The following DGKA variants were observed in gnomAD, a reference collection of about 807,000 sequenced individuals.
The protein encoded by DGKA is diacylglycerol kinase alpha.
DGKA carries 35 observed loss-of-function variants against 105.0 expected under a neutral mutation model. The ratio of observed to expected loss-of-function variants is 0.33; its 90% confidence interval spans 0.25 to 0.44. The LOEUF (loss-of-function observed/expected upper bound fraction) is 0.44, where lower values mean the gene tolerates loss of function less well. Among genes scored for constraint, DGKA ranks in the 20% least tolerant of loss-of-function variants. The pLI is 1.00. For missense variants in DGKA, 665 were observed against 915.0 expected, an observed-to-expected ratio of 0.73 and a Z score of 3.53; for synonymous variants, 296 against 332.0, an observed-to-expected ratio of 0.89 and a Z score of 1.18.
intron 15 of DGKA, 108 bp downstream of exon 15, chr12:55,941,692 TC>T (rs1221898800): frequency 5.2e-6 from 6 of 1,147,368 alleles, no homozygotes; most frequent in African/African-American, 1.5e-5. Context: ...GGGCTAGAGA[TC>T]CCCAAGAGGC....
upstream of DGKA, chr12:55,927,950 C>G (rs1883228297): frequency 1.5e-6 from 1 of 667,924 alleles, no homozygotes; most frequent in Admixed American, 3.1e-5. Context: ...TCTGGGCGGA[C>G]CTACTTAGTA....
intron 17 of DGKA, among the ~76,000 whole-genome samples, chr12:55,947,285 G>A (rs1287745276): frequency 2.6e-5 from 4 of 152,038 alleles, no homozygotes; most frequent in Non-Finnish European, 5.9e-5. Flanking sequence ...GCGCCCAGCT[G>A]TGGAGACATT....
Position 55,941,399 on chromosome 12 carries a change from A to G in DGKA, c.1175+74A>G, listed in dbSNP as rs1885956619. ...TGCAACACTTAGAAGGTGGAAGGGG[A>G]TGTGTGTGTCTGGAGGGGCATACCT... On this transcript the variant is annotated intron_variant, in intron 14 of 23. Coordinates refer to ENST00000331886, the MANE Select transcript of DGKA (RefSeq NM_001345.5). 4 of 1,585,354 alleles carry G rather than the reference A, an allele frequency of 2.5e-6. No homozygotes were observed. The African/African-American group carries it at 4.0e-5, about 16-fold the overall frequency.
At chr12:55,946,446 TCC>T (rs1202883977) in intron 17 of DGKA, among the ~76,000 whole-genome samples, 10 of 152,206 alleles carry the variant, frequency 6.6e-5, no homozygotes, top group Non-Finnish European at 1.5e-4. Flanking sequence ...AACCTCTGCC[TCC>T]CAGGTTCAAG....
In DGKA at chr12:55,940,671, G is replaced by A. The variant is rs763903996; in HGVS notation, c.966G>A (p.Gly322=). 18 of 1,603,806 alleles carry A rather than the reference G, an allele frequency of 1.1e-5. No individual in the cohort carries two copies. Among genetic ancestry groups the A allele is most frequent in the Non-Finnish European group, 1.5e-5 (18 of 1,176,810 alleles). The change falls in exon 12 of 24, where the codon GGG becomes GGA. Residue 322 remains glycine (G), a synonymous_variant. Transcript: ENST00000331886. The surrounding 1 kb of genome is among the most constrained non-coding windows in gnomAD (Gnocchi z 4.3). ...CGGTGGGCCATGAGTGTGACTGTGGGCTGCTCCGGGATCACATCCTGCCTC... is the reference window on the plus strand; with the variant it reads ...CGGTGGGCCATGAGTGTGACTGTGGACTGCTCCGGGATCACATCCTGCCTC... ...LQAVGHECDC[G]LLRDHILPPS...
Position 55,937,504 on chromosome 12 carries a change from G to C in DGKA, c.235G>C (p.Glu79Gln). The C allele has an allele frequency of 6.2e-7, 1 of 1,614,192 alleles. No individual in the cohort carries two copies. ...AAGCCTGGCACTGTTTCAATCCTTT[G>C]AGACTGGTCACTGCTTAAATGAGAC... The part of the protein sequence containing the change: ...HLSLALFQSF[E>Q]TGHCLNETNV... Residue 79 changes from glutamate (E) to glutamine (Q), a missense_variant, in exon 4 of 24, where the codon GAG (glutamate) becomes CAG (glutamine). Glu to Gln is a conservative substitution (Grantham distance 29, BLOSUM62 2). Transcript: ENST00000331886.
Position 55,940,352 on chromosome 12 carries a change from C to T in DGKA, c.837C>T (p.Ser279=), listed in dbSNP as rs747985279. 6.2e-7 allele frequency: 1 copy of T among 1,614,200 alleles called. No homozygotes were observed. Among genetic ancestry groups the T allele is most frequent in the Admixed American group, 1.7e-5 (1 of 60,020 alleles). ...TGTGGGTGCGAGGAGGCTGTGAGTC[C>T]GGGCGCTGCGACCGCTGTCAGAAAA... ...SHVWVRGGCE[S]GRCDRCQKKI... is the part of the protein sequence containing the mutation. The change falls in exon 11 of 24, where the codon TCC becomes TCT. Residue 279 remains serine (S), a synonymous_variant. Transcript: ENST00000331886. This position sits in a 1 kb window ranked among gnomAD's most constrained non-coding sequence, Gnocchi z 4.3.
chr12:55,942,052 C>T lies in DGKA; in HGVS notation c.1305C>T (p.Asp435=), dbSNP rs754886618. 55 of 1,614,018 alleles carry T rather than the reference C, an allele frequency of 3.4e-5. No individual in the cohort carries two copies. Among genetic ancestry groups the T allele is most frequent in the South Asian group, 2.1e-4 (19 of 91,078 alleles). Residue 435 remains aspartate (D), a synonymous_variant, in exon 16 of 24, where the codon GAC becomes GAT. Coordinates refer to ENST00000331886, the MANE Select transcript of DGKA (RefSeq NM_001345.5). ...GCCGGATTTTGGTGTGTGGTGGAGA[C>T]GGCACAGTAGGCTGGATTCTAGAGA... ...PDSRILVCGG[D]GTVGWILETI...
At position 55,940,426 on chromosome 12, in the gene DGKA, A is replaced by G; in HGVS notation, c.911A>G (p.His304Arg). The change falls in exon 11 of 24, where the codon CAC becomes CGC. Residue 304 changes from histidine to arginine, a missense_variant. His to Arg is a conservative substitution (Grantham distance 29). Transcript: ENST00000331886. The surrounding 1 kb of genome is among the most constrained non-coding windows in gnomAD (Gnocchi z 4.3). ...ACCGGGCTGCATTGTGTATGGTGCC[A>G]CCTAGAGGTCAGTTTGGGAGCCATC... ...SLTGLHCVWC[H>R]LEIHDDCLQA... 1 of 1,614,142 alleles carries G rather than the reference A, an allele frequency of 6.2e-7. No homozygotes were observed. The highest frequency in any genetic ancestry group is 8.5e-7 in the Non-Finnish European group (1 of 1,180,028).
At chr12:55,933,934 G>A (rs1335818384) in intron 1 of DGKA, among the ~76,000 whole-genome samples, 1 of 152,112 alleles carries the variant, frequency 6.6e-6, no homozygotes, top group East Asian at 1.9e-4. Flanking sequence ...TAAGTACATT[G>A]CATATATCAT....
Position 55,932,951 on chromosome 12 carries a change from C to G in DGKA, c.-82+1607C>G, listed in dbSNP as rs1883949169. ...CCTCAAATTCGGGGCTCCTGCCCCT[C>G]TGGGGCAGCCTCAATATTCTGGAGA... On this transcript the variant is annotated intron_variant, in intron 1 of 23. Transcript: ENST00000331886. The surrounding 1 kb of genome is among the most constrained non-coding windows in gnomAD (Gnocchi z 4.3). 2 of 212,176 alleles carry G rather than the reference C, an allele frequency of 9.4e-6. No individual in the cohort carries two copies. The highest frequency in any genetic ancestry group is 1.9e-5 in the Non-Finnish European group (2 of 105,786). 13.1% of individuals were successfully genotyped at this position (212,176 alleles called of 1,614,324 possible). A position where few individuals can be genotyped will look rare whatever the true frequency, so the allele number is the denominator to read the frequency against.
Position 55,941,239 on chromosome 12 carries a change from T to TC in DGKA, c.1102-8dup, listed in dbSNP as rs776801324. 2 of 1,601,574 alleles carry TC rather than the reference T, an allele frequency of 1.2e-6. No homozygotes were observed. The highest frequency in any genetic ancestry group is 2.7e-5 in the African/African-American group (2 of 74,720). On this transcript the variant is annotated splice_polypyrimidine_tract_variant and intron_variant, in intron 13 of 23. Coordinates refer to ENST00000331886, the MANE Select transcript of DGKA (RefSeq NM_001345.5). ...CCTGCTTTCTTTGTCCTTATTTTCT[T>TC]CCCCCAATGCAGATTGACCCTGTTC...
intron 1 of DGKA, chr12:55,935,929 G>C (rs1488301317): frequency 1.5e-5 from 15 of 986,316 alleles, no homozygotes; most frequent in Non-Finnish European, 1.8e-5. Flanking sequence ...GAACAAAATG[G>C]GGTCATGGCC....
At chr12:55,948,348 C>T (rs1456225697) in intron 17 of DGKA, among the ~76,000 whole-genome samples, 2 of 151,592 alleles carry the variant, frequency 1.3e-5, no homozygotes, top group African/African-American at 4.9e-5. Context: ...TTGCAGTGAG[C>T]CGAGATCATG....
chr12:55,953,567 T>C (rs1888593359), intron 23 of DGKA, 118 bp from the exon 24 acceptor site: 2 of 1,338,456 alleles, frequency 1.5e-6, no homozygotes, highest in Non-Finnish European at 2.1e-6. Context: ...TTCCCTATCG[T>C]GGCCTCTCTA....
chr12:55,936,075 A>AT, intron 1 of DGKA: 1 of 958,376 alleles, frequency 1.0e-6, no homozygotes, highest in Non-Finnish European at 1.3e-6. Context: ...GCGCAGAAAC[A>AT]GACAAGGGAC....
Position 55,938,465 on chromosome 12 carries a change from G to A in DGKA, c.350-46G>A, listed in dbSNP as rs368802787. 19 of 1,610,314 alleles carry A rather than the reference G, an allele frequency of 1.2e-5. No individual in the cohort carries two copies. The African/African-American group carries it at 2.4e-4, about 20-fold the overall frequency. ...CCCATATTCTGGTATGAATTCTTTG[G>A]GTATCTCTCACAAACTGACCCTGGC... On this transcript the variant is annotated intron_variant, in intron 5 of 23. Coordinates refer to ENST00000331886, the MANE Select transcript of DGKA (RefSeq NM_001345.5).
chr12:55,942,564 T>G, intron 17 of DGKA: 1 of 372,276 alleles, frequency 2.7e-6, no homozygotes, highest in South Asian at 2.6e-5. Flanking sequence ...GAACAATGTG[T>G]GAATAAGGAA....
chr12:55,927,866 C>T (rs1883225917), upstream of DGKA: 1 of 1,435,274 alleles, frequency 7.0e-7, no homozygotes, highest in African/African-American at 1.4e-5. Flanking sequence ...GCCCTAGTTG[C>T]TTCTCGCCCA....
Sources: allele counts gnomAD v4.1 joint callset (sites outside exome capture counted in the v4.1 genomes callset), GRCh38; gene constraint gnomAD v4.1.1; non-coding constraint Gnocchi (gnomAD v3.1); transcripts MANE v1.5; gene names NCBI Gene and HGNC (gene_info 2026-07-23, HGNC 2026-07-21).